The following SLC25A30 variants were observed in gnomAD, a reference collection of about 807,000 sequenced individuals.
SLC25A30 encodes solute carrier family 25 member 30.
SLC25A30 carries 29 observed loss-of-function variants against 42.7 expected under a neutral mutation model. The observed-to-expected ratio is 0.68, with a 90% CI of 0.51 to 0.93. The LOEUF is 0.93. SLC25A30 is among the 40% of genes least tolerant of loss of function. SLC25A30 has a pLI of 0.00. For synonymous variants in SLC25A30, 124 were observed against 131.0 expected, an observed-to-expected ratio of 0.95 and a Z score of 0.37; for missense variants, 300 against 359.7, an observed-to-expected ratio of 0.83 and a Z score of 1.34.
At chr13:45,399,569 G>A (rs753902429) in intron 7 of SLC25A30, among the ~76,000 whole-genome samples, 25 of 152,156 alleles carry the variant, frequency 1.6e-4, no homozygotes, top group Non-Finnish European at 3.5e-4. Flanking sequence ...GCCATATCTA[G>A]AGAGCTTGAT....
chr13:45,433,049 A>AAAT, the SLC25A30 span, among the ~76,000 whole-genome samples: 1 of 151,464 alleles, frequency 6.6e-6, no homozygotes, highest in South Asian at 2.1e-4. Flanking sequence ...AAAAAAAAAA[A>AAAT]ATTCAATCTG....
At chr13:45,424,902 A>T in the SLC25A30 span, among the ~76,000 whole-genome samples, 7 of 36,434 alleles carry the variant, frequency 1.9e-4, no homozygotes, top group South Asian at 1.3e-3. Context: ...TTAAATATAT[A>T]TAAATATATA....
the SLC25A30 span, among the ~76,000 whole-genome samples, chr13:45,425,243 T>C: frequency 5.7e-5 from 6 of 105,676 alleles, no homozygotes; most frequent in Non-Finnish European, 1.0e-4. Flanking sequence ...TTTATACATA[T>C]ATAAATATAT....
intron 4 of SLC25A30, 65 bp from the exon 5 acceptor site, chr13:45,404,477 A>G (rs1444409011): frequency 2.6e-6 from 3 of 1,147,078 alleles, no homozygotes; most frequent in African/African-American, 1.5e-5. Flanking sequence ...AAACTCAACT[A>G]TAGGTCTAAC....
chr13:45,417,521 C>T (rs531059565), intron 1 of SLC25A30, among the ~76,000 whole-genome samples: 2 of 152,262 alleles, frequency 1.3e-5, no homozygotes, highest in East Asian at 3.9e-4. Flanking sequence ...AAACTAAGCT[C>T]ATCACAGACT....
In SLC25A30 at chr13:45,402,731, A is replaced by T. The variant is rs938970447; in HGVS notation, c.394-361T>A. The T allele has an allele frequency of 1.2e-5, 12 of 971,598 alleles. No homozygotes were observed. In the African/African-American group the frequency reaches 2.1e-4, roughly 17 times the overall value. The allele number at this position is 971,598 out of a possible 1,614,324, so 60.2% of individuals were successfully genotyped here. A position where few individuals can be genotyped will look rare whatever the true frequency, so the allele number is the denominator to read the frequency against. On this transcript the variant is annotated intron_variant, in intron 5 of 9. Coordinates refer to ENST00000519676, the MANE Select transcript of SLC25A30 (RefSeq NM_001010875.4). Reference sequence around the variant, plus strand: ...GAGAAAAGTTAATTTCAAAGGTTTAATCTAATTAATGAGTTATCCAGTGTA... The same window carrying T: ...GAGAAAAGTTAATTTCAAAGGTTTATTCTAATTAATGAGTTATCCAGTGTA...
rs1398439432 is a variant in SLC25A30 at position 45,408,973 on chromosome 13, A to G, written c.166T>C (p.Leu56=). The stretch of plus-strand genomic sequence containing the variant: ...CCTTCTTCTCTGCCTATCCTCACTA[A>G]TGCGTGCAACATTCCTCGGTATCTA... ...EIRYRGMLHA[L]VRIGREEGLK... The change falls in exon 3 of 10, where the codon TTA becomes CTA. Residue 56 remains leucine (L), a synonymous_variant. Transcript: ENST00000519676. 1 of 1,613,300 alleles carries G rather than the reference A, an allele frequency of 6.2e-7. No individual in the cohort carries two copies. Among genetic ancestry groups the G allele is most frequent in the African/African-American group, 1.3e-5 (1 of 74,906 alleles).
the SLC25A30 span, among the ~76,000 whole-genome samples, chr13:45,428,262 G>C: frequency 6.6e-6 from 1 of 151,214 alleles, no homozygotes; most frequent in African/African-American, 2.4e-5. Context: ...GCCCAGGAGT[G>C]CAGTGGTGCA....
chr13:45,402,787 T>C, intron 5 of SLC25A30: 1 of 985,404 alleles, frequency 1.0e-6, no homozygotes, highest in South Asian at 4.7e-5. Flanking sequence ...GCAAGCATAG[T>C]TCTTAAATTA....
intron 2 of SLC25A30, 60 bp from the exon 3 acceptor site, chr13:45,409,134 TA>T (rs1882785202): frequency 9.2e-6 from 12 of 1,306,894 alleles, no homozygotes; most frequent in Non-Finnish European, 1.0e-5. Context: ...AAAGGATACG[TA>T]GTGATATATT....
rs1566199724 is a variant in SLC25A30, at chr13:45,397,314, C to A, written c.778G>T (p.Ala260Ser). Residue 260 changes from alanine to serine, a missense_variant, in exon 9 of 10, where the codon GCT becomes TCT. Ala to Ser is a moderately conservative substitution (Grantham distance 99). Transcript: ENST00000519676. ...TTTGGCCAAAAGCCTTTATAGAGAGCAAAAAACCCTTCATTCTTCCATGTC... is the reference window on the plus strand; with the variant it reads ...TTTGGCCAAAAGCCTTTATAGAGAGAAAAAAACCCTTCATTCTTCCATGTC... ...LQTWKNEGFF[A>S]LYKGFWPNWL... 3 of 1,610,808 alleles carry A rather than the reference C, an allele frequency of 1.9e-6. No homozygotes were observed. Among genetic ancestry groups the A allele is most frequent in the Admixed American group, 1.7e-5 (1 of 59,682 alleles).
chr13:45,397,116 CTAAG>C, intron 9 of SLC25A30, 138 bp downstream of exon 9: 1 of 653,412 alleles, frequency 1.5e-6, no homozygotes, highest in Non-Finnish European at 2.6e-6. Context: ...AAAAAAGAAA[CTAAG>C]TAGTGACTTC....
At chr13:45,404,588 G>A (rs1469959493) in intron 4 of SLC25A30, among the ~76,000 whole-genome samples, 176 bp from the exon 5 acceptor site, 1 of 152,180 alleles carries the variant, frequency 6.6e-6, no homozygotes, top group East Asian at 1.9e-4. Flanking sequence ...GGATACCAAG[G>A]TGGGGAGATC....
At chr13:45,424,484 TATAAATA>T in the SLC25A30 span, among the ~76,000 whole-genome samples, 6 of 45,166 alleles carry the variant, frequency 1.3e-4, no homozygotes, top group African/African-American at 7.5e-4. Context: ...AATATATGTA[TATAAATA>T]TATAAATATA....
Position 45,409,077 on chromosome 13 carries a change from T to G in SLC25A30, c.65-3A>C. 1.9e-6 allele frequency: 3 copies of G among 1,588,032 alleles called. No individual in the cohort carries two copies. The highest frequency in any genetic ancestry group is 1.9e-5 in the Admixed American group (1 of 53,428). On this transcript the variant is annotated splice_region_variant and splice_polypyrimidine_tract_variant and intron_variant, in intron 2 of 9. Coordinates refer to ENST00000519676, the MANE Select transcript of SLC25A30 (RefSeq NM_001010875.4). ...GGTTAAATCAATTGGAAATGTACCT[T>G]AAAATTTAAAAAGAAATTCACTTAA...
chr13:45,425,541 T>TATATATATATAAATATATATATAA, the SLC25A30 span, among the ~76,000 whole-genome samples: 1 of 58,650 alleles, frequency 1.7e-5, no homozygotes, highest in Admixed American at 2.1e-4. Flanking sequence ...TGTATAAGTA[T>TATATATATATAAATATATATATAA]ATATATATAA....
At chr13:45,433,827 C>T in the SLC25A30 span, among the ~76,000 whole-genome samples, 2 of 152,224 alleles carry the variant, frequency 1.3e-5, no homozygotes, top group Admixed American at 1.3e-4. Flanking sequence ...CACACAAACA[C>T]ACTACTGAGA....
At chr13:45,433,505 A>G in the SLC25A30 span, among the ~76,000 whole-genome samples, 1 of 152,218 alleles carries the variant, frequency 6.6e-6, no homozygotes, top group South Asian at 2.1e-4. Context: ...GAAAATTGAA[A>G]GTTGTATTAC....
chr13:45,394,179 T>G lies in SLC25A30; in HGVS notation c.*1795A>C, dbSNP rs968748403. On this transcript the variant is annotated 3_prime_UTR_variant, in exon 10 of 10. Coordinates refer to ENST00000519676, the MANE Select transcript of SLC25A30 (RefSeq NM_001010875.4). ...GGGGTCCTCTGCTGCCCTCTAGGGT[T>G]GCCCAGGGAGAGCTGGACTTTCATC... The G allele has an allele frequency of 9.1e-6, 9 of 985,244 alleles. No individual in the cohort carries two copies. In the African/African-American group the frequency reaches 1.6e-4, roughly 17 times the overall value. 61.0% of individuals were successfully genotyped at this position (985,244 alleles called of 1,614,324 possible).
Sources: gnomAD v4.1 joint callset for allele counts (sites outside exome capture counted in the v4.1 genomes callset) on GRCh38, gnomAD v4.1.1 for gene constraint, MANE v1.5 for transcripts, NCBI Gene and HGNC (gene_info 2026-07-23, HGNC 2026-07-21) for gene names.